The following NAV3 variants were observed in gnomAD, a reference collection of about 807,000 sequenced individuals.
NAV3 encodes pore membrane and/or filament interacting like protein 1.
In NAV3, 87 loss-of-function variants were observed where a neutral mutation model predicts 244.7. The observed-to-expected ratio is 0.36, with a 90% CI of 0.30 to 0.42. The LOEUF is 0.42. Among genes scored for constraint, NAV3 ranks in the 20% least tolerant of loss-of-function variants. NAV3 has a pLI of 1.00. For missense variants in NAV3, 2,663 were observed against 2,893.3 expected (o/e 0.92, Z 1.83); for synonymous variants, 1,126 against 1,042.2 (o/e 1.08, Z -1.55).
chr12:77,751,600 T>C (rs1176084755), intron 2 of NAV3, among the ~76,000 whole-genome samples: 7 of 152,158 alleles, frequency 4.6e-5, no homozygotes. Flanking sequence ...ACCATGATGG[T>C]AAATTTCCTG....
chr12:78,007,431 A>G lies in NAV3; in HGVS notation c.1893A>G (p.Ala631=). ...QHSHPNTATV[A]PFIYRAHSEN... ...GCCACCCGAATACCGCGACAGTGGC[A>G]CCATTCATTTACAGGTAAGGTGGCC... is the stretch of plus-strand genomic sequence containing the variant. Residue 631 remains alanine (A), a synonymous_variant, in exon 8 of 40, where the codon GCA becomes GCG. Transcript: ENST00000397909. 6.2e-7 allele frequency: 1 copy of G among 1,613,446 alleles called. No individual in the cohort carries two copies. The highest frequency in any genetic ancestry group is 8.5e-7 in the Non-Finnish European group (1 of 1,179,664).
At chr12:77,639,936 G>A (rs568426772) in intron 2 of NAV3, among the ~76,000 whole-genome samples, 82 of 152,286 alleles carry the variant, frequency 5.4e-4, no homozygotes, top group Non-Finnish European at 1.0e-3. Flanking sequence ...CTGTCAAAAG[G>A]GGGGCACTAG....
intron 9 of NAV3, 44 bp downstream of exon 9, chr12:78,021,906 G>A (rs183417377): frequency 4.7e-4 from 596 of 1,256,074 alleles, no homozygotes; most frequent in Non-Finnish European, 6.0e-4. Context: ...AGGAATTTCC[G>A]TATTCTCTCC....
At position 77,777,246 on chromosome 12, in the gene NAV3, A is replaced by G. The variant is rs538532764; in HGVS notation, c.73-163073A>G. On this transcript the variant is annotated intron_variant, in intron 2 of 8. Transcript: ENST00000550042. ...AGGAGATTAACAATAATAACAAAAT[A>G]GAACAATTATAACAATATAATGAAA... Among the ~76,000 whole-genome samples, 106 of 152,340 alleles carry G rather than the reference A, an allele frequency of 7.0e-4. 1 individual carries two copies. Among genetic ancestry groups the G allele is most frequent in the Non-Finnish European group, 1.2e-3 (82 of 68,022 alleles).
chr12:77,655,471 T>G (rs1051750332), intron 2 of NAV3, among the ~76,000 whole-genome samples: 4 of 152,184 alleles, frequency 2.6e-5, no homozygotes, highest in South Asian at 2.1e-4. Context: ...AGACCAAATC[T>G]ACGTCTGATT....
chr12:77,879,952 C>T (rs985321635), intron 1 of NAV3, among the ~76,000 whole-genome samples: 1 of 152,114 alleles, frequency 6.6e-6, no homozygotes, highest in Admixed American at 6.6e-5. Flanking sequence ...CTTAAATTCT[C>T]TACTCTCATT....
chr12:78,169,086 A>T (rs987088958), intron 24 of NAV3, among the ~76,000 whole-genome samples: 9 of 151,746 alleles, frequency 5.9e-5, no homozygotes, highest in Non-Finnish European at 1.2e-4. Flanking sequence ...TTCCATTATC[A>T]GATAATTTTT....
chr12:77,778,613 GA>G (rs746919824), intron 2 of NAV3, among the ~76,000 whole-genome samples: 1,789 of 58,148 alleles, frequency 0.031, 20 homozygotes, highest in Middle Eastern at 0.071. Flanking sequence ...CTCCGTCTCA[GA>G]AAAAAAAAAA....
At position 78,056,761 on chromosome 12, in the gene NAV3, A is replaced by G. The variant is rs191133106; in HGVS notation, c.2517-2235A>G. Among the ~76,000 whole-genome samples the G allele has an allele frequency of 1.4e-3, 220 of 152,306 alleles. 2 individuals are homozygous for G. Among genetic ancestry groups the G allele is most frequent in the African/African-American group, 4.5e-3 (187 of 41,566 alleles). On this transcript the variant is annotated intron_variant, in intron 11 of 39. Transcript: ENST00000397909. The stretch of plus-strand genomic sequence containing the variant: ...ACGTATTTATGCTACGAGTCATGAA[A>G]AAGTTGAATCATAAATTTAACTCTC...
At chr12:77,656,028 A>G (rs1873084365) in intron 2 of NAV3, among the ~76,000 whole-genome samples, 2 of 150,532 alleles carry the variant, frequency 1.3e-5, no homozygotes, top group African/African-American at 5.0e-5. Flanking sequence ...GACCATCGAG[A>G]CTAGGAAGAA....
At chr12:77,830,281 T>C (rs921438539), upstream of NAV3, among the ~76,000 whole-genome samples, 2 of 152,230 alleles carry the variant, frequency 1.3e-5, no homozygotes, top group Admixed American at 1.3e-4. Flanking sequence ...TTTTCAACCA[T>C]TTTAAAAGAC....
chr12:77,768,097 T>C (rs1474611497), intron 2 of NAV3, among the ~76,000 whole-genome samples: 1 of 152,182 alleles, frequency 6.6e-6, no homozygotes, highest in Non-Finnish European at 1.5e-5. Flanking sequence ...GTAGAACCTA[T>C]CCACAGGTAG....
intron 13 of NAV3, among the ~76,000 whole-genome samples, chr12:78,117,182 T>TATAC (rs1955436360): frequency 7.3e-6 from 1 of 136,680 alleles, no homozygotes; most frequent in Non-Finnish European, 1.6e-5. Flanking sequence ...TATATATATA[T>TATAC]ATATATATAT....
intron 2 of NAV3, among the ~76,000 whole-genome samples, chr12:77,727,301 G>T (rs746928795): frequency 6.6e-6 from 1 of 151,902 alleles, no homozygotes; most frequent in South Asian, 2.1e-4. Context: ...TGTAGTCAAG[G>T]CCTGATAGTT....
intron 12 of NAV3, among the ~76,000 whole-genome samples, chr12:78,098,314 T>C (rs1466906513): frequency 6.6e-6 from 1 of 152,052 alleles, no homozygotes; most frequent in Non-Finnish European, 1.5e-5. Context: ...TTTTAAGTTG[T>C]AGGCTGTCTT....
chr12:77,875,933 A>G (rs1881786159), intron 1 of NAV3, among the ~76,000 whole-genome samples: 1 of 152,074 alleles, frequency 6.6e-6, no homozygotes, highest in Admixed American at 6.6e-5. Context: ...CAGCATTTTC[A>G]GGGAGTAACT....
At chr12:78,184,559 T>C (rs1426357367) in intron 30 of NAV3, among the ~76,000 whole-genome samples, 1 of 151,856 alleles carries the variant, frequency 6.6e-6, no homozygotes, top group African/African-American at 2.4e-5. Context: ...AAGTTGTTTT[T>C]AATTGTTATG....
chr12:77,682,984 T>A (rs760415912), intron 2 of NAV3, among the ~76,000 whole-genome samples: 22 of 152,304 alleles, frequency 1.4e-4, no homozygotes, highest in Non-Finnish European at 2.8e-4. Context: ...CTTTGCTGAT[T>A]GTTTCAATTG....
chr12:77,973,770 G>A (rs1893210783), intron 5 of NAV3, among the ~76,000 whole-genome samples: 1 of 152,044 alleles, frequency 6.6e-6, no homozygotes, highest in Admixed American at 6.6e-5. Context: ...AAGATGACAG[G>A]TAGGCTTTAG....
Sources: gnomAD v4.1 joint callset for allele counts (sites outside exome capture counted in the v4.1 genomes callset) on GRCh38, gnomAD v4.1.1 for gene constraint, MANE v1.5 for transcripts, NCBI Gene and HGNC (gene_info 2026-07-23, HGNC 2026-07-21) for gene names.